The following CALCRL variants were observed in gnomAD, a reference collection of about 807,000 sequenced individuals.
CALCRL encodes the protein calcitonin gene-related peptide type 1 receptor.
CALCRL carries 27 observed loss-of-function variants against 60.4 expected under a neutral mutation model. That is an observed-to-expected ratio of 0.45 (90% CI 0.33 to 0.62). The LOEUF (loss-of-function observed/expected upper bound fraction) is 0.62, where lower values mean the gene tolerates loss of function less well. Ranked by LOEUF, CALCRL falls within the 20% of genes least tolerant of loss-of-function variation. The pLI is 0.03. For missense variants in CALCRL, 424 were observed against 540.7 expected (o/e 0.78, Z 2.14); for synonymous variants, 190 against 182.6 (o/e 1.04, Z -0.33).
chr2:187,437,214 A>T (rs890930000), intron 1 of CALCRL, among the ~76,000 whole-genome samples: 7 of 152,178 alleles, frequency 4.6e-5, no homozygotes, highest in African/African-American at 1.4e-4. Context: ...ACATTTTAAA[A>T]TGTTAAATTC....
intron 1 of CALCRL, among the ~76,000 whole-genome samples, chr2:187,402,365 G>T (rs1003103650): frequency 6.6e-6 from 1 of 151,688 alleles, no homozygotes; most frequent in South Asian, 2.1e-4. Flanking sequence ...TAAATTTTAT[G>T]TGTCTAATTG....
chr2:187,348,542 T>A (rs1686387153), intron 14 of CALCRL, among the ~76,000 whole-genome samples: 2 of 151,622 alleles, frequency 1.3e-5, no homozygotes, highest in South Asian at 4.1e-4. Context: ...TTAAATTCAA[T>A]TTGGAAGGAA....
intron 1 of CALCRL, among the ~76,000 whole-genome samples, chr2:187,427,188 T>C (rs1176472583): frequency 6.6e-6 from 1 of 152,184 alleles, no homozygotes; most frequent in Non-Finnish European, 1.5e-5. Flanking sequence ...TGGAAGCTTG[T>C]AGCTTCGAAG....
At chr2:187,401,899 A>G (rs908407831) in intron 1 of CALCRL, among the ~76,000 whole-genome samples, 4 of 151,316 alleles carry the variant, frequency 2.6e-5, no homozygotes, top group Non-Finnish European at 5.9e-5. Context: ...TGGAGCTATT[A>G]CATGGTGAAA....
At chr2:187,389,335 A>T (rs1292475872) in intron 1 of CALCRL, among the ~76,000 whole-genome samples, 1 of 152,036 alleles carries the variant, frequency 6.6e-6, no homozygotes, top group Non-Finnish European at 1.5e-5. Context: ...CGCCTCCCAA[A>T]GTGCTGGGAT....
chr2:187,433,504 G>T (rs1690492964), intron 1 of CALCRL, among the ~76,000 whole-genome samples: 1 of 152,000 alleles, frequency 6.6e-6, no homozygotes, highest in Non-Finnish European at 1.5e-5. Context: ...TACTAAAATG[G>T]ATTAATAGGC....
intron 5 of CALCRL, among the ~76,000 whole-genome samples, chr2:187,382,667 C>G (rs1012263049): frequency 1.3e-5 from 2 of 152,006 alleles, no homozygotes; most frequent in Non-Finnish European, 2.9e-5. Context: ...TTAGCAGGCT[C>G]TCAATGAATG....
At chr2:187,442,645 T>C (rs1340889555) in intron 1 of CALCRL, among the ~76,000 whole-genome samples, 1 of 151,934 alleles carries the variant, frequency 6.6e-6, no homozygotes, top group Non-Finnish European at 1.5e-5. Context: ...TCCTAAAAGC[T>C]GAATTTATTG....
chr2:187,353,504 A>T (rs978074988), intron 12 of CALCRL, among the ~76,000 whole-genome samples: 1 of 152,032 alleles, frequency 6.6e-6, no homozygotes, highest in Admixed American at 6.6e-5. Context: ...ATAACTGGGC[A>T]CAAAAATATT....
At position 187,351,175 on chromosome 2, in the gene CALCRL, CTCGGG is replaced by C. The variant is rs1686512881; in HGVS notation, c.1170+740_1170+744del. Among the ~76,000 whole-genome samples the C allele has an allele frequency of 9.1e-5, 2 of 21,944 alleles. 1 individual carries two copies. The highest frequency in any genetic ancestry group is 2.3e-3 in the South Asian group (2 of 874). The allele number at this position is 21,944 out of a possible 152,430, so 14.4% of individuals were successfully genotyped here. ...TGGCGGGCGCCTGTAGTCCCAGCTA[CTCGGG>C]AGGCTGAGGCAGGAGAATGGCGTGA... is the stretch of plus-strand genomic sequence containing the variant. On this transcript the variant is annotated intron_variant, in intron 14 of 14. Coordinates refer to ENST00000392370, the MANE Select transcript of CALCRL (RefSeq NM_005795.6).
intron 1 of CALCRL, chr2:187,442,071 TA>T (rs1310381859): frequency 1.3e-3 from 15 of 11,540 alleles, no homozygotes; most frequent in East Asian, 0.031. Flanking sequence ...TTAAAAACAT[TA>T]TATATATATA....
At position 187,439,043 on chromosome 2, in the gene CALCRL, T is replaced by C. The variant is rs185494500; in HGVS notation, c.-293+8996A>G. Among the ~76,000 whole-genome samples, 836 of 152,322 alleles carry C rather than the reference T, an allele frequency of 5.5e-3. 7 individuals carry two copies. Among genetic ancestry groups the C allele is most frequent in the Non-Finnish European group, 0.01 (686 of 68,034 alleles). On this transcript the variant is annotated intron_variant, in intron 1 of 14. Coordinates refer to ENST00000392370, the MANE Select transcript of CALCRL (RefSeq NM_005795.6). Reference sequence around the variant, plus strand: ...CTAGTATAAAGAAACATTCATTCATTTATTCATTTAAATATTTAGTAAACA... The same window carrying C: ...CTAGTATAAAGAAACATTCATTCATCTATTCATTTAAATATTTAGTAAACA...
At chr2:187,383,893 A>T (rs1010281539) in intron 4 of CALCRL, among the ~76,000 whole-genome samples, 9 of 152,170 alleles carry the variant, frequency 5.9e-5, no homozygotes, top group African/African-American at 2.2e-4. Flanking sequence ...TGGACAAGTT[A>T]TATACTTATT....
intron 4 of CALCRL, among the ~76,000 whole-genome samples, chr2:187,383,546 A>T (rs1019720081): frequency 2.6e-5 from 4 of 152,166 alleles, no homozygotes; most frequent in Non-Finnish European, 5.9e-5. Context: ...GGGAAACCAC[A>T]GTTGGTTCTC....
chr2:187,389,068 TC>T (rs1417568855), intron 1 of CALCRL, among the ~76,000 whole-genome samples: 1 of 81,236 alleles, frequency 1.2e-5, no homozygotes, highest in South Asian at 4.1e-4. Flanking sequence ...TACTTCTTCT[TC>T]TTTTTTTTTT....
intron 10 of CALCRL, among the ~76,000 whole-genome samples, chr2:187,360,060 T>C (rs536231657): frequency 6.6e-6 from 1 of 152,240 alleles, no homozygotes; most frequent in Non-Finnish European, 1.5e-5. Flanking sequence ...ATTTTTAATA[T>C]GTCAGAAGTA....
At chr2:187,367,751 A>G (rs1009726855) in intron 8 of CALCRL, among the ~76,000 whole-genome samples, 3 of 152,100 alleles carry the variant, frequency 2.0e-5, no homozygotes, top group Non-Finnish European at 4.4e-5. Flanking sequence ...TAAATTTTAT[A>G]ATATCCCTTT....
chr2:187,445,084 G>A (rs1349882069), intron 1 of CALCRL, among the ~76,000 whole-genome samples: 2 of 151,524 alleles, frequency 1.3e-5, no homozygotes, highest in African/African-American at 4.8e-5. Flanking sequence ...GTTTACCCAT[G>A]GATTTGAAAA....
rs980671260 is a variant in CALCRL at position 187,363,324 on chromosome 2, C to T, written c.627+52G>A. On this transcript the variant is annotated intron_variant, in intron 9 of 14. Transcript: ENST00000392370. ...ACATTATGCATATATCAGCCATGTT[C>T]CCCCTTTCCCATTAGGCCCTTGAAC... 1.9e-6 allele frequency: 3 copies of T among 1,553,980 alleles called. No homozygotes were observed. In the Admixed American group the frequency reaches 6.0e-5, roughly 31 times the overall value.
Sources: gnomAD v4.1 joint callset for allele counts (sites outside exome capture counted in the v4.1 genomes callset) on GRCh38, gnomAD v4.1.1 for gene constraint, MANE v1.5 for transcripts, NCBI Gene and HGNC (gene_info 2026-07-23, HGNC 2026-07-21) for gene names.